Variants in DOCK1 observed in about 807,000 individuals in gnomAD.
DOCK1 encodes the protein dedicator of cytokinesis protein 1.
In DOCK1, 138 loss-of-function variants were observed where a neutral mutation model predicts 262.7. The ratio of observed to expected loss-of-function variants is 0.53; its 90% CI spans 0.46 to 0.61. DOCK1 has a LOEUF of 0.61. Among genes scored for constraint, DOCK1 ranks in the 20% least tolerant of loss-of-function variants. The pLI, the probability that DOCK1 is intolerant of heterozygous loss-of-function variation, is 0.00. For missense variants in DOCK1, 1,908 were observed against 2,370.7 expected (o/e 0.80, Z 4.05); for synonymous variants, 866 against 867.4 (o/e 1.00, Z 0.03).
chr10:127,257,525 T>TA (rs1278946905), intron 29 of DOCK1, 96 bp downstream of exon 29: 2 of 1,103,254 alleles, frequency 1.8e-6, no homozygotes, highest in African/African-American at 3.1e-5. Context: ...CTGGCTTCAA[T>TA]AAAATGCTCT....
Position 127,361,291 on chromosome 10 carries a change from T to C in DOCK1, c.3284-773T>C, listed in dbSNP as rs190066573. On this transcript the variant is annotated intron_variant, in intron 32 of 51. Transcript: ENST00000623213. Reference sequence around the variant, plus strand: ...ACCACGCCCAGCTGATTTTTTTGTATTTTTAGTAGAGACGGTGTCTCACCG... The same window carrying C: ...ACCACGCCCAGCTGATTTTTTTGTACTTTTAGTAGAGACGGTGTCTCACCG... Among the ~76,000 whole-genome samples the C allele has an allele frequency of 6.3e-3, 957 of 152,046 alleles. 6 individuals are homozygous for C. Among genetic ancestry groups the C allele is most frequent in the Middle Eastern group, 0.038 (11 of 292 alleles).
chr10:127,089,032 G>A (rs1275477560), intron 23 of DOCK1, among the ~76,000 whole-genome samples: 4 of 152,046 alleles, frequency 2.6e-5, no homozygotes, highest in African/African-American at 7.2e-5. Context: ...GACTTCACCC[G>A]CAGCCATGCC....
chr10:127,058,710 C>G (rs1455449129), intron 22 of DOCK1, among the ~76,000 whole-genome samples: 1 of 150,990 alleles, frequency 6.6e-6, no homozygotes, highest in Non-Finnish European at 1.5e-5. Flanking sequence ...ATGGTAACAT[C>G]CATGTTGGAC....
At chr10:127,091,034 T>C (rs1447930338) in intron 23 of DOCK1, among the ~76,000 whole-genome samples, 2 of 148,920 alleles carry the variant, frequency 1.3e-5, no homozygotes, top group East Asian at 4.0e-4. Flanking sequence ...CAGGCTGGAG[T>C]GCAGTAGTGT....
intron 32 of DOCK1, among the ~76,000 whole-genome samples, chr10:127,355,031 G>T (rs997331698): frequency 5.3e-5 from 8 of 152,196 alleles, no homozygotes; most frequent in African/African-American, 1.7e-4. Flanking sequence ...AGTTGCCTCA[G>T]TTCCTTCTGC....
At chr10:127,197,973 G>A (rs2057289780) in intron 27 of DOCK1, among the ~76,000 whole-genome samples, 1 of 152,082 alleles carries the variant, frequency 6.6e-6, no homozygotes, top group African/African-American at 2.4e-5. Flanking sequence ...GCCAGCCTTG[G>A]GGATCCAGAT....
chr10:126,910,554 A>G (rs755770124), intron 1 of DOCK1, among the ~76,000 whole-genome samples: 12 of 152,056 alleles, frequency 7.9e-5, no homozygotes, highest in Non-Finnish European at 1.5e-4. Context: ...GTATTTTCAG[A>G]TAATTATAGC....
rs113874378 is a variant in DOCK1 at position 127,056,306 on chromosome 10, G to A, written c.2336+3491G>A. Among the ~76,000 whole-genome samples, 611 of 152,260 alleles carry A rather than the reference G, an allele frequency of 4.0e-3. 4 individuals are homozygous for A. Among genetic ancestry groups the A allele is most frequent in the African/African-American group, 0.014 (571 of 41,546 alleles). On this transcript the variant is annotated intron_variant, in intron 22 of 51. Transcript: ENST00000623213. ...TGCAGCCTCAAACCCCTGGGCTCAA[G>A]CCATCCTCCTGCCTTAGTCTCCCAA... is the stretch of plus-strand genomic sequence containing the variant.
chr10:127,204,239 T>C (rs2057609604), intron 27 of DOCK1, among the ~76,000 whole-genome samples: 1 of 152,206 alleles, frequency 6.6e-6, no homozygotes. Context: ...TGTTCATTTA[T>C]TGGCTGTTTC....
intron 27 of DOCK1, among the ~76,000 whole-genome samples, chr10:127,203,648 T>G (rs1458438005): frequency 0.1 from 5 of 48 alleles, no homozygotes; most frequent in South Asian, 0.5. Flanking sequence ...CGTAAACGTT[T>G]TTTTTTTTTT....
chr10:127,177,942 G>A (rs1399814003), intron 27 of DOCK1, among the ~76,000 whole-genome samples: 1 of 152,210 alleles, frequency 6.6e-6, no homozygotes, highest in East Asian at 1.9e-4. Context: ...AGCGCAGGCA[G>A]GAGCAGGACC....
chr10:126,994,762 C>T (rs1055059354), intron 6 of DOCK1, among the ~76,000 whole-genome samples: 10 of 152,214 alleles, frequency 6.6e-5, no homozygotes, highest in Non-Finnish European at 1.0e-4. Flanking sequence ...CTTTCTTTTC[C>T]CCACATTTCC....
intron 1 of DOCK1, among the ~76,000 whole-genome samples, chr10:126,911,399 C>G (rs4246204): frequency 0.99 from 150,976 of 152,274 alleles, 74,867 homozygotes; most frequent in East Asian, 1. Context: ...TGAAATTGTC[C>G]AGTGTATTCA....
intron 16 of DOCK1, 50 bp from the exon 17 acceptor site, chr10:127,031,600 G>A: frequency 7.1e-7 from 1 of 1,402,592 alleles, no homozygotes; most frequent in Admixed American, 1.8e-5. Flanking sequence ...ATGTTATTTT[G>A]TCATGATAAT....
chr10:127,196,267 G>A (rs897037987), intron 27 of DOCK1: 1 of 148,444 alleles, frequency 6.7e-6, no homozygotes, highest in Non-Finnish European at 1.5e-5. Flanking sequence ...CTCCGGCCCC[G>A]CTTAGCGACG....
At chr10:127,095,238 C>T (rs557416098) in intron 23 of DOCK1, among the ~76,000 whole-genome samples, 4 of 152,252 alleles carry the variant, frequency 2.6e-5, no homozygotes, top group East Asian at 1.9e-4. Context: ...CTTTTTGCTA[C>T]GTGGTTTCTG....
intron 29 of DOCK1, among the ~76,000 whole-genome samples, chr10:127,280,009 CATATAT>C (rs10525314): frequency 4.6e-4 from 53 of 114,318 alleles, no homozygotes; most frequent in African/African-American, 1.7e-3. Context: ...AATTTTATTT[CATATAT>C]ATATATATAT....
At chr10:127,289,678 G>A (rs2061283968) in intron 29 of DOCK1, among the ~76,000 whole-genome samples, 2 of 152,190 alleles carry the variant, frequency 1.3e-5, no homozygotes, top group Middle Eastern at 3.4e-3. Flanking sequence ...TGGCATCTGA[G>A]TGCAGTTTTA....
chr10:127,319,469 A>T (rs2062425621), intron 29 of DOCK1, among the ~76,000 whole-genome samples: 1 of 152,214 alleles, frequency 6.6e-6, no homozygotes, highest in Non-Finnish European at 1.5e-5. Context: ...GCATGTGTTT[A>T]TGGGTAATAA....
Sources: allele counts gnomAD v4.1 joint callset (sites outside exome capture counted in the v4.1 genomes callset), GRCh38; gene constraint gnomAD v4.1.1; transcripts MANE v1.5; gene names NCBI Gene and HGNC (gene_info 2026-07-23, HGNC 2026-07-21).